The following SYNE2 variants were observed in gnomAD, a reference collection of about 807,000 sequenced individuals.
SYNE2 encodes nesprin-2.
A neutral mutation model predicts 856.3 loss-of-function variants in SYNE2; 431 were observed. That is an observed-to-expected ratio of 0.50 (90% confidence interval 0.47 to 0.55). The LOEUF (loss-of-function observed/expected upper bound fraction) is 0.55. Ranked by LOEUF, SYNE2 falls within the 20% of genes least tolerant of loss-of-function variation. SYNE2 has a pLI of 0.00. For synonymous variants in SYNE2, 2,923 were observed against 2,872.3 expected, an observed-to-expected ratio of 1.02 and a Z score of -0.56; for missense variants, 8,129 against 8,023.2, an observed-to-expected ratio of 1.01 and a Z score of -0.50.
chr14:63,995,219 C>A lies in SYNE2; in HGVS notation c.2940+17C>A. On this transcript the variant is annotated intron_variant, in intron 23 of 115. Coordinates refer to ENST00000555002, the MANE Select transcript of SYNE2 (RefSeq NM_182914.3). ...GAACATGAGGTACAATAAAGTGTTTCCACTTAAATTTTGTCATCATTTTGG... is the reference window on the plus strand; with the variant it reads ...GAACATGAGGTACAATAAAGTGTTTACACTTAAATTTTGTCATCATTTTGG... The A allele has an allele frequency of 6.3e-7, 1 of 1,598,572 alleles. No individual in the cohort carries two copies.
intron 46 of SYNE2, chr14:64,048,397 T>G: frequency 3.1e-6 from 1 of 322,962 alleles, no homozygotes; most frequent in Non-Finnish European, 5.7e-6. Flanking sequence ...TCCTAAAGAC[T>G]TAGTGAGAAA....
rs201037265 is a variant in SYNE2, at chr14:64,093,303, G to C, written c.11977-46G>C. 1.0e-4 allele frequency: 161 copies of C among 1,606,116 alleles called. No individual in the cohort carries two copies. In the African/African-American group the frequency reaches 1.7e-3, roughly 17 times the overall value. ...GACAATGAAAATAGTCCATTAATCT[G>C]CTTAGATTATGACAAAGATTCTTTT... On this transcript the variant is annotated intron_variant, in intron 60 of 115. Transcript: ENST00000555002.
rs149527707 is a variant in SYNE2, at chr14:63,990,223, A to G, written c.2314-188A>G. On this transcript the variant is annotated intron_variant, in intron 19 of 115. Transcript: ENST00000555002. ...CTGTATAAAGAATGATCCATAAAAC[A>G]TGTTCAGAATCTGATTGTATCAATA... is the stretch of plus-strand genomic sequence containing the variant. Among the ~76,000 whole-genome samples, 341 of 152,332 alleles carry G rather than the reference A, an allele frequency of 2.2e-3. 3 individuals are homozygous for G. Among genetic ancestry groups the G allele is most frequent in the African/African-American group, 7.7e-3 (321 of 41,570 alleles).
Position 64,130,090 on chromosome 14 carries a change from A to G in SYNE2, c.14182A>G (p.Thr4728Ala), listed in dbSNP as rs1204973439. Reference protein sequence around the residue: ...SMWGMLRARYTELSSPFVTES... With the variant: ...SMWGMLRARYAELSSPFVTES... ...GTGGGGAATGCTAAGAGCCAGGTAC[A>G]CAGAACTCAGCAGCCCTTTCGTCAC... Residue 4728 changes from threonine to alanine, a missense_variant, in exon 76 of 116, where the codon ACA becomes GCA. Physicochemically the swap from Thr to Ala is moderately conservative, Grantham distance 58 (BLOSUM62 0). Coordinates refer to ENST00000555002, the MANE Select transcript of SYNE2 (RefSeq NM_182914.3). The G allele has an allele frequency of 1.2e-6, 2 of 1,614,136 alleles. No individual in the cohort carries two copies. The highest frequency in any genetic ancestry group is 1.1e-5 in the South Asian group (1 of 91,080).
At chr14:64,047,531 C>A (rs948803741) in intron 45 of SYNE2, among the ~76,000 whole-genome samples, 4 of 152,212 alleles carry the variant, frequency 2.6e-5, no homozygotes, top group Non-Finnish European at 5.9e-5. Flanking sequence ...TGGGGTTTCA[C>A]TGGGGGCTTG....
At chr14:63,874,183 C>G (rs947600686) in intron 1 of SYNE2, among the ~76,000 whole-genome samples, 1 of 152,164 alleles carries the variant, frequency 6.6e-6, no homozygotes, top group African/African-American at 2.4e-5. Flanking sequence ...AGATGTCCGT[C>G]TGTCAGAGTG....
chr14:64,219,476 A>C, intron 110 of SYNE2, 66 bp downstream of exon 110: 1 of 1,523,778 alleles, frequency 6.6e-7, no homozygotes, highest in Non-Finnish European at 9.1e-7. Context: ...GCTATGCTGG[A>C]CGAGCAGATC....
chr14:64,084,703 A>G (rs1255385811), intron 57 of SYNE2: 1 of 415,650 alleles, frequency 2.4e-6, no homozygotes, highest in Non-Finnish European at 4.3e-6. Flanking sequence ...TATATTAGCT[A>G]TTTTTGTGTA....
At chr14:64,213,164 T>C (rs546376809) in intron 105 of SYNE2, among the ~76,000 whole-genome samples, 159 bp downstream of exon 105, 13 of 152,364 alleles carry the variant, frequency 8.5e-5, no homozygotes, top group African/African-American at 3.1e-4. Flanking sequence ...ATTTCCACTT[T>C]TATTAATATA....
chr14:63,953,586 G>A (rs2096199726), intron 7 of SYNE2, among the ~76,000 whole-genome samples: 1 of 151,346 alleles, frequency 6.6e-6, no homozygotes, highest in Admixed American at 6.6e-5. Context: ...ATATTATTGT[G>A]ATAAAATATA....
chr14:64,128,466 A>T lies in SYNE2; in HGVS notation c.13932A>T (p.Arg4644Ser), dbSNP rs1355788058. 6.4e-7 allele frequency: 1 copy of T among 1,557,872 alleles called. No individual in the cohort carries two copies. Among genetic ancestry groups the T allele is most frequent in the African/African-American group, 1.4e-5 (1 of 73,750 alleles). Residue 4644 changes from arginine to serine, a missense_variant, in exon 74 of 116, where the codon AGA (arginine) becomes AGT (serine). This residue lies in a region of SYNE2 where 5,410 missense variants were observed against 5,284.8 expected (regional missense o/e 1.02). Transcript: ENST00000555002. ...TTATCTTACAGAATGAAATAAAGAG[A>T]TTATATCATCAGCTCATTAAGAGTA... ...YNRSYQNEIK[R>S]LYHQLIKSKT... is the part of the protein sequence containing the mutation.
chr14:64,054,156 C>T (rs1239638566), intron 48 of SYNE2, among the ~76,000 whole-genome samples: 1 of 152,218 alleles, frequency 6.6e-6, no homozygotes, highest in Non-Finnish European at 1.5e-5. Context: ...ACTCATACTG[C>T]ATCTACATGC....
At chr14:63,824,638 CAA>C (rs34659476) in intron 1 of SYNE2, among the ~76,000 whole-genome samples, 7 of 129,620 alleles carry the variant, frequency 5.4e-5, no homozygotes, top group Non-Finnish European at 3.2e-5. Context: ...GAATCTGTCT[CAA>C]AAAAAAAAAA....
chr14:63,944,526 T>C (rs867285866), intron 6 of SYNE2, among the ~76,000 whole-genome samples: 23 of 139,340 alleles, frequency 1.7e-4, no homozygotes, highest in African/African-American at 4.6e-4. Context: ...TCTTTTTTTT[T>C]TTTTTTTTTT....
intron 51 of SYNE2, among the ~76,000 whole-genome samples, chr14:64,069,315 C>T (rs1279421885): frequency 1.3e-5 from 2 of 152,138 alleles, no homozygotes; most frequent in African/African-American, 4.8e-5. Context: ...TATCTCATTT[C>T]CTGGTGTAAG....
intron 21 of SYNE2, 123 bp from the exon 22 acceptor site, chr14:63,993,712 C>A: frequency 2.4e-6 from 2 of 829,252 alleles, no homozygotes; most frequent in South Asian, 1.7e-5. Context: ...TTCAGATATT[C>A]TTCAGAGAGC....
At chr14:63,771,064 CTCTT>C (rs1886881676) in intron 1 of SYNE2, among the ~76,000 whole-genome samples, 1 of 138,644 alleles carries the variant, frequency 7.2e-6, no homozygotes, top group Non-Finnish European at 1.5e-5. Flanking sequence ...CCCTTATACA[CTCTT>C]TTTTTTTTTT....
intron 84 of SYNE2, among the ~76,000 whole-genome samples, chr14:64,150,936 G>A (rs1285622943): frequency 6.6e-6 from 1 of 152,160 alleles, no homozygotes; most frequent in African/African-American, 2.4e-5. Flanking sequence ...TTTGTAACCA[G>A]TCCAGAAGAA....
intron 100 of SYNE2, 50 bp downstream of exon 100, chr14:64,203,013 G>T: frequency 6.2e-7 from 1 of 1,606,018 alleles, no homozygotes. Flanking sequence ...TCCGCGATAT[G>T]CACTGACTGA....
Sources: gnomAD v4.1 joint callset for allele counts (sites outside exome capture counted in the v4.1 genomes callset) on GRCh38, gnomAD v4.1.1 for gene constraint, gnomAD v4.1.1 regional missense constraint, MANE v1.5 for transcripts, NCBI Gene and HGNC (gene_info 2026-07-23, HGNC 2026-07-21) for gene names.